VPS53: variants seen among roughly 807,000 people sequenced by gnomAD.
The protein encoded by VPS53 is VPS53 subunit of GARP complex, also known as vacuolar protein sorting-associated protein 53 homolog.
In VPS53, 70 loss-of-function variants were observed where a neutral mutation model predicts 107.0. The observed-to-expected ratio is 0.65, with a 90% CI of 0.54 to 0.80. The LOEUF is 0.80. VPS53 is among the 30% of genes least tolerant of loss of function. The pLI is 0.00. For synonymous variants in VPS53, 409 were observed against 393.3 expected (o/e 1.04, Z -0.47); for missense variants, 917 against 1,049.4 (o/e 0.87, Z 1.74).
At chr17:662,152 T>C (rs1374166001) in intron 4 of VPS53, among the ~76,000 whole-genome samples, 3 of 152,194 alleles carry the variant, frequency 2.0e-5, no homozygotes, top group African/African-American at 4.8e-5. Context: ...TCTACCTCAG[T>C]CATTACTGTA....
Position 553,396 on chromosome 17 carries a change from T to C in VPS53, c.1771A>G (p.Met591Val), listed in dbSNP as rs1912042902. 6.2e-7 allele frequency: 1 copy of C among 1,614,140 alleles called. No homozygotes were observed. Among genetic ancestry groups the C allele is most frequent in the Non-Finnish European group, 8.5e-7 (1 of 1,180,030 alleles). The stretch of plus-strand genomic sequence containing the variant: ...GGTACATACGTGCTGAACGTGTCCA[T>C]CTCTCCAGTCAGATTGATTCGTTCA... ...LIERINLTGE[M>V]DTFSTVISSS... Residue 591 changes from methionine to valine, a missense_variant, in exon 16 of 22, where the codon ATG becomes GTG. Coordinates refer to ENST00000437048, the MANE Select transcript of VPS53 (RefSeq NM_001128159.3).
At chr17:538,041 G>C (rs1249223491) in intron 17 of VPS53, 1 of 152,280 alleles carries the variant, frequency 6.6e-6, no homozygotes, top group Non-Finnish European at 1.5e-5. Flanking sequence ...AACAAGCTGT[G>C]AACAAAAGTG....
intron 4 of VPS53, among the ~76,000 whole-genome samples, chr17:688,686 G>T (rs905118853): frequency 5.9e-5 from 9 of 152,278 alleles, no homozygotes; most frequent in Admixed American, 3.9e-4. Context: ...CAGGCAAAAT[G>T]AACAGTCACC....
intron 4 of VPS53, among the ~76,000 whole-genome samples, chr17:679,369 C>CTGGA: frequency 6.6e-6 from 1 of 151,896 alleles, no homozygotes; most frequent in Non-Finnish European, 1.5e-5. Context: ...CAAAAATTAG[C>CTGGA]CAGGCGTGGT....
chr17:696,439 T>G (rs967351219), intron 4 of VPS53, among the ~76,000 whole-genome samples: 1 of 152,070 alleles, frequency 6.6e-6, no homozygotes, highest in Non-Finnish European at 1.5e-5. Flanking sequence ...TCCTAAAAAA[T>G]GTCAAAGAGG....
intron 2 of VPS53, among the ~76,000 whole-genome samples, chr17:708,633 G>T (rs1390768089): frequency 6.6e-6 from 1 of 152,068 alleles, no homozygotes; most frequent in East Asian, 1.9e-4. Flanking sequence ...CAGGGAAAGG[G>T]AGACTCCCTT....
chr17:659,719 C>T (rs560975864), intron 5 of VPS53, among the ~76,000 whole-genome samples: 9 of 152,162 alleles, frequency 5.9e-5, no homozygotes, highest in Non-Finnish European at 1.3e-4. Flanking sequence ...AATATTCTCC[C>T]TCTGCTTCAT....
At position 645,377 on chromosome 17, in the gene VPS53, T is replaced by C. The variant is rs77612671; in HGVS notation, c.608+7914A>G. On this transcript the variant is annotated intron_variant, in intron 7 of 21. Transcript: ENST00000437048. Reference sequence around the variant, plus strand: ...TGTTTGGCTTTTTGTTGTTGATTTCTGGGAATTCTTTATATATTCTAGATA... The same window carrying C: ...TGTTTGGCTTTTTGTTGTTGATTTCCGGGAATTCTTTATATATTCTAGATA... Among the ~76,000 whole-genome samples, 1,075 of 152,360 alleles carry C rather than the reference T, an allele frequency of 7.1e-3. 17 individuals are homozygous for C. The highest frequency in any genetic ancestry group is 0.055 in the East Asian group (286 of 5,192).
At chr17:669,889 T>TA (rs1002640028) in intron 4 of VPS53, among the ~76,000 whole-genome samples, 100 of 132,336 alleles carry the variant, frequency 7.6e-4, no homozygotes, top group East Asian at 1.5e-3. Flanking sequence ...AGACTCCATC[T>TA]AAAAAAAAAA....
At chr17:536,520 T>C (rs775822724) in intron 18 of VPS53, 10 of 155,284 alleles carry the variant, frequency 6.4e-5, no homozygotes, top group Non-Finnish European at 1.1e-4. Flanking sequence ...TCATTTTTGT[T>C]TGCCTTGACG....
rs766272287 is a variant in VPS53 at position 524,743 on chromosome 17, T to C, written c.2086-3005A>G. ...TGATAATCAAGTGTGGGCACGGCCA[T>C]GGCACTGAAATTCACAAATGTACAC... On this transcript the variant is annotated intron_variant, in intron 19 of 21. Transcript: ENST00000437048. This position sits in a 1 kb window ranked among gnomAD's most constrained non-coding sequence, Gnocchi z 4.5. Among the ~76,000 whole-genome samples, 8 of 152,092 alleles carry C rather than the reference T, an allele frequency of 5.3e-5. No individual in the cohort carries two copies. The highest frequency in any genetic ancestry group is 1.0e-4 in the Non-Finnish European group (7 of 68,008).
intron 11 of VPS53, among the ~76,000 whole-genome samples, chr17:609,474 A>G (rs1968740487): frequency 6.6e-6 from 1 of 152,204 alleles, no homozygotes; most frequent in Non-Finnish European, 1.5e-5. Context: ...ATATGTTTTT[A>G]ATTCCCTTGG....
rs11295086 is a variant in VPS53, at chr17:705,423, T to TAA, written c.168+5108_168+5109dup. 1.4e-3 allele frequency among the ~76,000 whole-genome samples: 202 copies of TAA among 143,676 alleles called. 1 individual carries two copies. The highest frequency in any genetic ancestry group is 2.1e-3 in the Non-Finnish European group (137 of 66,214). 94.3% of individuals were successfully genotyped at this position (143,676 alleles called of 152,430 possible). On this transcript the variant is annotated intron_variant, in intron 2 of 21. Coordinates refer to ENST00000437048, the MANE Select transcript of VPS53 (RefSeq NM_001128159.3). ...GGGCAACACAGCAAGGCCCAGTCTG[T>TAA]AAAAAAAAAAAAAAAATTAAAAATC...
chr17:619,945 C>T (rs139396580), intron 11 of VPS53, among the ~76,000 whole-genome samples: 7,333 of 146,310 alleles, frequency 0.05, 720 homozygotes, highest in Middle Eastern at 0.14. Flanking sequence ...TAGTATTTCC[C>T]GGGTAGCTGG....
chr17:664,269 G>A (rs1246293708), intron 4 of VPS53, among the ~76,000 whole-genome samples: 5 of 152,006 alleles, frequency 3.3e-5, no homozygotes, highest in South Asian at 2.1e-4. Flanking sequence ...TAGTAGAGAC[G>A]GGGTTTCACC....
intron 12 of VPS53, 30 bp from the exon 13 acceptor site, chr17:586,394 A>G: frequency 6.3e-7 from 1 of 1,594,924 alleles, no homozygotes; most frequent in East Asian, 2.2e-5. Flanking sequence ...TAAACCCCAT[A>G]CTTGAGTGAT....
At chr17:663,557 C>T (rs956482437) in intron 4 of VPS53, among the ~76,000 whole-genome samples, 3 of 152,072 alleles carry the variant, frequency 2.0e-5, no homozygotes, top group South Asian at 2.1e-4. Flanking sequence ...AGCCCACAGA[C>T]GTGTATAGAC....
At chr17:603,683 CAAGT>C (rs1968427153) in intron 11 of VPS53, among the ~76,000 whole-genome samples, 1 of 152,066 alleles carries the variant, frequency 6.6e-6, no homozygotes, top group Admixed American at 6.6e-5. Context: ...AACACCCAAG[CAAGT>C]ATTTCACATT....
At chr17:656,342 T>C (rs1429268240) in intron 5 of VPS53, among the ~76,000 whole-genome samples, 1 of 152,114 alleles carries the variant, frequency 6.6e-6, no homozygotes, top group Non-Finnish European at 1.5e-5. Flanking sequence ...AAAACACCTA[T>C]CAGTCAGTAC....
Sources: allele counts gnomAD v4.1 joint callset (sites outside exome capture counted in the v4.1 genomes callset), GRCh38; gene constraint gnomAD v4.1.1; non-coding constraint Gnocchi (gnomAD v3.1); transcripts MANE v1.5; gene names NCBI Gene and HGNC (gene_info 2026-07-23, HGNC 2026-07-21).